Variants in LRRC4C observed in about 807,000 individuals in gnomAD.
LRRC4C encodes leucine-rich repeat-containing protein 4C.
Under a neutral mutation model 33.6 loss-of-function variants are expected in LRRC4C, and 5 were observed. That is an observed-to-expected ratio of 0.15 (90% CI 0.08 to 0.31). The LOEUF (loss-of-function observed/expected upper bound fraction) is 0.31. Among genes scored for constraint, LRRC4C ranks in the 10% least tolerant of loss-of-function variants. The probability of loss-of-function intolerance (pLI) is 1.00; values close to 1 mark genes in which losing one functional copy is unlikely to be tolerated. For synonymous variants in LRRC4C, 329 were observed against 302.0 expected (o/e 1.09, Z -0.93); for missense variants, 560 against 796.7 (o/e 0.70, Z 3.58).
intron 3 of LRRC4C, among the ~76,000 whole-genome samples, chr11:40,546,769 T>C (rs181356344): frequency 6.2e-4 from 95 of 152,158 alleles, no homozygotes; most frequent in Middle Eastern, 3.4e-3. Context: ...CTAATTTAGT[T>C]TTCATACGCA....
At chr11:40,265,413 C>G (rs1388076958) in intron 4 of LRRC4C, among the ~76,000 whole-genome samples, 2 of 152,204 alleles carry the variant, frequency 1.3e-5, no homozygotes, top group Non-Finnish European at 2.9e-5. Context: ...ATCACAGTTT[C>G]AGACATTTTT....
intron 1 of LRRC4C, among the ~76,000 whole-genome samples, chr11:41,077,488 C>T (rs765432973): frequency 6.6e-6 from 1 of 152,206 alleles, no homozygotes; most frequent in African/African-American, 2.4e-5. Context: ...GCTTGTACCC[C>T]CTGGAGCAAT....
intron 1 of LRRC4C, among the ~76,000 whole-genome samples, chr11:41,025,705 G>T (rs1046348198): frequency 6.6e-6 from 1 of 151,636 alleles, no homozygotes; most frequent in Admixed American, 6.6e-5. Context: ...ATTGACAAAG[G>T]TGGCTACACC....
intron 1 of LRRC4C, among the ~76,000 whole-genome samples, chr11:41,084,773 C>T (rs575244010): frequency 1.1e-4 from 17 of 152,136 alleles, no homozygotes; most frequent in Admixed American, 6.5e-4. Context: ...CGCTTGAACC[C>T]GGAAGGTGGA....
rs187647368 is a variant in LRRC4C at position 40,670,798 on chromosome 11, C to T, written c.-406-22520G>A. On this transcript the variant is annotated intron_variant, in intron 2 of 6. Transcript: ENST00000528697. Reference sequence around the variant, plus strand: ...TTTGTTTTTGAGACGGAGCATCGCTCTGTCGCCCAGGCTGGAGTGCAGTGA... The same window carrying T: ...TTTGTTTTTGAGACGGAGCATCGCTTTGTCGCCCAGGCTGGAGTGCAGTGA... Among the ~76,000 whole-genome samples the T allele has an allele frequency of 6.3e-3, 956 of 152,302 alleles. 5 individuals carry two copies. Among genetic ancestry groups the T allele is most frequent in the Non-Finnish European group, 0.011 (755 of 68,038 alleles).
At chr11:40,310,951 T>C (rs968504612) in intron 4 of LRRC4C, among the ~76,000 whole-genome samples, 1 of 152,242 alleles carries the variant, frequency 6.6e-6, no homozygotes, top group Non-Finnish European at 1.5e-5. Flanking sequence ...TGTGATACAC[T>C]GTATGGCTCA....
chr11:41,305,831 C>T, intron 1 of LRRC4C, among the ~76,000 whole-genome samples: 1 of 132,684 alleles, frequency 7.5e-6, no homozygotes, highest in East Asian at 2.2e-4. Context: ...TATCTGCTGA[C>T]CTTCCCTCCA....
At chr11:40,875,193 G>A (rs1430264534) in intron 2 of LRRC4C, among the ~76,000 whole-genome samples, 4 of 152,130 alleles carry the variant, frequency 2.6e-5, no homozygotes, top group African/African-American at 9.6e-5. Context: ...CAAGATTATA[G>A]CTTTTCTTTA....
intron 1 of LRRC4C, among the ~76,000 whole-genome samples, chr11:41,374,491 T>C (rs1166267631): frequency 6.6e-6 from 1 of 151,780 alleles, no homozygotes; most frequent in Non-Finnish European, 1.5e-5. Flanking sequence ...CAAGAAAAAA[T>C]AGTCAAATAA....
intron 1 of LRRC4C, among the ~76,000 whole-genome samples, chr11:41,302,117 G>A (rs1950304389): frequency 6.6e-6 from 1 of 152,126 alleles, no homozygotes; most frequent in Non-Finnish European, 1.5e-5. Context: ...TTTAAATTGG[G>A]TACAGCAGTG....
In LRRC4C at chr11:41,105,490, TTG is replaced by T. The variant is rs146436140; in HGVS notation, c.-495-171769_-495-171768del. On this transcript the variant is annotated intron_variant, in intron 1 of 6. Transcript: ENST00000528697. ...GCAAAGTAGTTCATCTCATTAATTTTTGTGTCTCTCCTCAGTGATTAGCACAG... is the reference window on the plus strand; with the variant it reads ...GCAAAGTAGTTCATCTCATTAATTTTTGTCTCTCCTCAGTGATTAGCACAG... Among the ~76,000 whole-genome samples the T allele has an allele frequency of 9.3e-3, 1,422 of 152,198 alleles. 7 individuals are homozygous for T. The highest frequency in any genetic ancestry group is 0.013 in the Admixed American group (197 of 15,262).
chr11:41,337,389 C>A (rs1951491135), intron 1 of LRRC4C, among the ~76,000 whole-genome samples: 1 of 151,144 alleles, frequency 6.6e-6, no homozygotes, highest in Non-Finnish European at 1.5e-5. Context: ...TGATTAGCAT[C>A]TAAATGCTTG....
intron 1 of LRRC4C, among the ~76,000 whole-genome samples, chr11:41,109,279 C>T (rs578718): frequency 0.27 from 41,100 of 151,798 alleles, 5,753 homozygotes; most frequent in Admixed American, 0.35. Context: ...TAATTACTGA[C>T]GGATTTCAAT....
intron 1 of LRRC4C, among the ~76,000 whole-genome samples, chr11:41,081,861 A>T (rs11036219): frequency 0.27 from 40,981 of 152,080 alleles, 5,676 homozygotes; most frequent in Admixed American, 0.35. Flanking sequence ...ACTACTAGCT[A>T]CTGCTCTGTT....
chr11:40,294,754 G>C (rs1263780728), intron 4 of LRRC4C, among the ~76,000 whole-genome samples: 1 of 152,098 alleles, frequency 6.6e-6, no homozygotes, highest in East Asian at 1.9e-4. Context: ...TTGAACCCGG[G>C]AGACGGAGGT....
intron 3 of LRRC4C, among the ~76,000 whole-genome samples, chr11:40,505,083 T>C (rs1480334759): frequency 1.3e-5 from 2 of 152,184 alleles, no homozygotes; most frequent in Non-Finnish European, 2.9e-5. Flanking sequence ...ATTTTCTAAC[T>C]GCTGATTCAA....
intron 1 of LRRC4C, among the ~76,000 whole-genome samples, chr11:41,246,784 A>G (rs576538112): frequency 1.3e-5 from 2 of 152,316 alleles, no homozygotes; most frequent in South Asian, 2.1e-4. Context: ...GAGAGGGTTT[A>G]CCCAATTAAT....
chr11:41,113,546 G>A (rs192635565), intron 1 of LRRC4C, among the ~76,000 whole-genome samples: 2 of 152,124 alleles, frequency 1.3e-5, no homozygotes, highest in Non-Finnish European at 1.5e-5. Flanking sequence ...ATGTGTTGGA[G>A]GTTTAAAGAT....
chr11:41,381,354 G>C (rs1445875434), intron 1 of LRRC4C, among the ~76,000 whole-genome samples: 1 of 152,112 alleles, frequency 6.6e-6, no homozygotes, highest in Non-Finnish European at 1.5e-5. Context: ...TAGGCCTGGT[G>C]CTGTGGCTCA....
Sources: allele counts gnomAD v4.1 joint callset (sites outside exome capture counted in the v4.1 genomes callset), GRCh38; gene constraint gnomAD v4.1.1; transcripts MANE v1.5; gene names NCBI Gene and HGNC (gene_info 2026-07-23, HGNC 2026-07-21).